GARRE1: variants seen among roughly 807,000 people sequenced by gnomAD.
GARRE1 encodes the protein granule associated Rac and RHOG effector 1, also known as granule associated Rac and RHOG effector protein 1.
A neutral mutation model predicts 103.2 loss-of-function variants in GARRE1; 49 were observed. The ratio of observed to expected loss-of-function variants is 0.47; its 90% CI spans 0.38 to 0.60. The LOEUF (loss-of-function observed/expected upper bound fraction) is 0.60, where lower values mean the gene tolerates loss of function less well. GARRE1 is among the 20% of genes least tolerant of loss of function. The pLI is 0.00. For missense variants in GARRE1, 1,199 were observed against 1,370.5 expected (o/e 0.87, Z 1.98); for synonymous variants, 505 against 532.8 (o/e 0.95, Z 0.72).
chr19:34,275,291 TTGG>T (rs1324337213), intron 1 of GARRE1, among the ~76,000 whole-genome samples: 1 of 152,150 alleles, frequency 6.6e-6, no homozygotes, highest in Non-Finnish European at 1.5e-5. Context: ...AGTATATAAA[TTGG>T]TGGTTTTTAG....
chr19:34,262,504 T>C (rs1457679354), intron 1 of GARRE1, among the ~76,000 whole-genome samples: 3 of 151,248 alleles, frequency 2.0e-5, no homozygotes, highest in Admixed American at 6.6e-5. Flanking sequence ...CCATATTGGC[T>C]AGGCTGGTCT....
At chr19:34,289,129 G>A (rs377401091) in intron 1 of GARRE1, among the ~76,000 whole-genome samples, 7 of 149,810 alleles carry the variant, frequency 4.7e-5, no homozygotes, top group South Asian at 2.1e-4. Context: ...GCAAGACTCC[G>A]TCTCAAAAAC....
chr19:34,271,734 G>A (rs947765822), intron 1 of GARRE1, among the ~76,000 whole-genome samples: 2 of 152,060 alleles, frequency 1.3e-5, no homozygotes, highest in African/African-American at 4.8e-5. Context: ...AGCTACTTAG[G>A]AGGCTGAGGT....
chr19:34,315,710 C>CA (rs35321775), intron 2 of GARRE1, among the ~76,000 whole-genome samples: 18,698 of 62,620 alleles, frequency 0.3, 3,474 homozygotes, highest in African/African-American at 0.39. Context: ...GACTCTGTCT[C>CA]AAAAAAAAAA....
At chr19:34,326,097 C>A (rs765341925) in intron 3 of GARRE1, among the ~76,000 whole-genome samples, 9 of 152,238 alleles carry the variant, frequency 5.9e-5, no homozygotes, top group Admixed American at 1.3e-4. Flanking sequence ...TGCTTCAGCA[C>A]GTACCTAACA....
chr19:34,294,040 G>A (rs1239607890), intron 1 of GARRE1, among the ~76,000 whole-genome samples: 2 of 151,924 alleles, frequency 1.3e-5, no homozygotes, highest in Non-Finnish European at 2.9e-5. Flanking sequence ...GGGATTACAG[G>A]TGTCAGCCAC....
At chr19:34,302,361 C>T (rs1232349516) in intron 2 of GARRE1, among the ~76,000 whole-genome samples, 1 of 123,868 alleles carries the variant, frequency 8.1e-6, no homozygotes, top group African/African-American at 3.1e-5. Flanking sequence ...GTGGCACGAT[C>T]TCAGCTTACT....
intron 2 of GARRE1, among the ~76,000 whole-genome samples, chr19:34,305,712 C>T (rs958240436): frequency 2.0e-5 from 3 of 152,222 alleles, no homozygotes; most frequent in Non-Finnish European, 4.4e-5. Context: ...GCAGTACCTG[C>T]TTTGTTTCTT....
intron 1 of GARRE1, among the ~76,000 whole-genome samples, chr19:34,283,830 C>CTTTTTTTTTTTTTTTT (rs11335136): frequency 8.5e-6 from 1 of 117,256 alleles, no homozygotes; most frequent in Admixed American, 9.1e-5. Context: ...TTCTTTCTTT[C>CTTTTTTTTTTTTTTTT]TTTTTTTTTT....
intron 2 of GARRE1, among the ~76,000 whole-genome samples, chr19:34,305,535 G>A (rs556274363): frequency 2.6e-5 from 4 of 152,304 alleles, no homozygotes; most frequent in African/African-American, 9.6e-5. Flanking sequence ...GCATTACTGA[G>A]CTCTTCTTCA....
chr19:34,266,098 TCAC>T (rs1229875845), intron 1 of GARRE1, among the ~76,000 whole-genome samples: 2 of 152,354 alleles, frequency 1.3e-5, no homozygotes, highest in East Asian at 1.9e-4. Flanking sequence ...GTCTGTCTCT[TCAC>T]CACTGCATCC....
intron 10 of GARRE1, among the ~76,000 whole-genome samples, chr19:34,346,900 G>A (rs1333634882): frequency 6.6e-6 from 1 of 151,976 alleles, no homozygotes; most frequent in Non-Finnish European, 1.5e-5. Context: ...TTACAGGTGT[G>A]AGCCACCAAG....
intron 2 of GARRE1, among the ~76,000 whole-genome samples, chr19:34,318,191 A>G (rs970304641): frequency 6.6e-6 from 1 of 152,228 alleles, no homozygotes; most frequent in Non-Finnish European, 1.5e-5. Context: ...TGCTTCTCCA[A>G]GAAGAAACAG....
intron 2 of GARRE1, among the ~76,000 whole-genome samples, chr19:34,301,258 TA>T (rs2073977250): frequency 6.6e-6 from 1 of 152,152 alleles, no homozygotes; most frequent in Non-Finnish European, 1.5e-5. Context: ...ACCTTGTCTC[TA>T]CAAAAACTAA....
intron 1 of GARRE1, among the ~76,000 whole-genome samples, chr19:34,271,201 C>G (rs2073784945): frequency 6.7e-6 from 1 of 149,240 alleles, no homozygotes; most frequent in Admixed American, 6.7e-5. Flanking sequence ...ATGCTGTGCT[C>G]TATCAGCTTC....
At chr19:34,269,933 A>G (rs527269509) in intron 1 of GARRE1, among the ~76,000 whole-genome samples, 1 of 152,334 alleles carries the variant, frequency 6.6e-6, no homozygotes, top group South Asian at 2.1e-4. Flanking sequence ...CTTTTGGAGC[A>G]GTGTCTCAGG....
intron 1 of GARRE1, among the ~76,000 whole-genome samples, chr19:34,291,002 G>A (rs993801125): frequency 7.1e-6 from 1 of 140,100 alleles, no homozygotes; most frequent in Non-Finnish European, 1.5e-5. Flanking sequence ...CGCCTCCCAG[G>A]TTCAAGCGAT....
chr19:34,283,830 C>CTTTTTTTTTT (rs11335136), intron 1 of GARRE1, among the ~76,000 whole-genome samples: 1 of 117,256 alleles, frequency 8.5e-6, no homozygotes. Context: ...TTCTTTCTTT[C>CTTTTTTTTTT]TTTTTTTTTT....
chr19:34,302,490 C>T (rs1388541493), intron 2 of GARRE1, among the ~76,000 whole-genome samples: 1 of 151,564 alleles, frequency 6.6e-6, no homozygotes, highest in African/African-American at 2.4e-5. Flanking sequence ...GACAGGGTTT[C>T]ACCATCTTGG....
Sources: gnomAD v4.1 joint callset for allele counts (sites outside exome capture counted in the v4.1 genomes callset) on GRCh38, gnomAD v4.1.1 for gene constraint, MANE v1.5 for transcripts, NCBI Gene and HGNC (gene_info 2026-07-23, HGNC 2026-07-21) for gene names.